NT5DC1: variants seen among roughly 807,000 people sequenced by gnomAD.
NT5DC1 encodes 5'-nucleotidase domain containing 1.
In NT5DC1, 42 loss-of-function variants were observed where a neutral mutation model predicts 59.4. The observed-to-expected ratio is 0.71, with a 90% CI of 0.55 to 0.92. The LOEUF is 0.92. Ranked by LOEUF, NT5DC1 falls within the 40% of genes least tolerant of loss-of-function variation. NT5DC1 has a pLI of 0.00. For missense variants in NT5DC1, 501 were observed against 537.1 expected, an observed-to-expected ratio of 0.93 and a Z score of 0.66; for synonymous variants, 172 against 188.1, an observed-to-expected ratio of 0.91 and a Z score of 0.70.
chr6:116,190,006 T>C (rs1208012885), intron 6 of NT5DC1, among the ~76,000 whole-genome samples: 2 of 152,056 alleles, frequency 1.3e-5, no homozygotes, highest in African/African-American at 4.8e-5. Flanking sequence ...TAATGGAAAG[T>C]ACAGTGGCTC....
rs1554197063 is a variant in NT5DC1, at chr6:116,163,141, A to AATATATATATATATATATAT, written c.529+45199_529+45218dup. 5.9e-4 allele frequency among the ~76,000 whole-genome samples: 52 copies of AATATATATATATATATATAT among 88,366 alleles called. 1 individual carries two copies. The highest frequency in any genetic ancestry group is 2.6e-3 in the African/African-American group (45 of 17,318). 58.0% of individuals were successfully genotyped at this position (88,366 alleles called of 152,430 possible). A position where few individuals can be genotyped will look rare whatever the true frequency, so the allele number is the denominator to read the frequency against. ...GACTCCGTCTCAAAAAAAAAAAAAA[A>AATATATATATATATATATAT]ATATATATATATATATATATATTAG... is the stretch of plus-strand genomic sequence containing the variant. On this transcript the variant is annotated intron_variant, in intron 6 of 11. Coordinates refer to ENST00000319550, the MANE Select transcript of NT5DC1 (RefSeq NM_152729.3).
intron 7 of NT5DC1, among the ~76,000 whole-genome samples, chr6:116,221,795 C>T (rs531244488): frequency 1.6e-4 from 25 of 152,138 alleles, no homozygotes; most frequent in African/African-American, 5.3e-4. Context: ...TCAATTTTGC[C>T]GTCATAAAAA....
At chr6:116,152,119 A>G (rs1780057180) in intron 6 of NT5DC1, among the ~76,000 whole-genome samples, 1 of 152,210 alleles carries the variant, frequency 6.6e-6, no homozygotes, top group Admixed American at 6.5e-5. Context: ...GTATGTCACA[A>G]TCTATTTTCA....
At chr6:116,110,801 G>A in intron 3 of NT5DC1, 49 bp from the exon 4 acceptor site, 2 of 1,220,680 alleles carry the variant, frequency 1.6e-6, no homozygotes, top group Non-Finnish European at 2.4e-6. Flanking sequence ...AGAGGAAGGG[G>A]CATTCAAGGA....
chr6:116,178,137 A>T (rs1780794035), intron 6 of NT5DC1, among the ~76,000 whole-genome samples: 1 of 137,498 alleles, frequency 7.3e-6, no homozygotes, highest in Admixed American at 7.4e-5. Flanking sequence ...GTGTGTGTTT[A>T]CTAGTGGGAC....
chr6:116,110,022 A>T (rs2114902330), intron 3 of NT5DC1, among the ~76,000 whole-genome samples: 1 of 152,340 alleles, frequency 6.6e-6, no homozygotes, highest in Middle Eastern at 3.4e-3. Context: ...TCCAATGATA[A>T]GGTTTAATAG....
intron 8 of NT5DC1, among the ~76,000 whole-genome samples, chr6:116,225,303 A>G (rs1041260228): frequency 6.6e-6 from 1 of 152,188 alleles, no homozygotes; most frequent in Non-Finnish European, 1.5e-5. Flanking sequence ...GGCTCAAGAT[A>G]TGTATTGGGA....
At chr6:116,125,043 A>G (rs1019323954) in intron 6 of NT5DC1, among the ~76,000 whole-genome samples, 5 of 152,214 alleles carry the variant, frequency 3.3e-5, no homozygotes, top group African/African-American at 1.2e-4. Context: ...AGATTTCTGG[A>G]TTACATGCAG....
At chr6:116,160,230 C>A (rs1418145757) in intron 6 of NT5DC1, among the ~76,000 whole-genome samples, 1 of 152,130 alleles carries the variant, frequency 6.6e-6, no homozygotes, top group Non-Finnish European at 1.5e-5. Context: ...ACATTTCCAC[C>A]AACAGTGTAT....
At chr6:116,240,799 G>A (rs1349025516) in intron 11 of NT5DC1, among the ~76,000 whole-genome samples, 1 of 152,188 alleles carries the variant, frequency 6.6e-6, no homozygotes, top group Non-Finnish European at 1.5e-5. Context: ...GAAAGAAAAT[G>A]ATGTGAATCT....
chr6:116,242,650 C>T (rs973514480), intron 11 of NT5DC1, among the ~76,000 whole-genome samples: 3 of 152,154 alleles, frequency 2.0e-5, no homozygotes, highest in African/African-American at 7.2e-5. Flanking sequence ...CCTCTCCTCT[C>T]TCAGGTCAGA....
chr6:116,117,280 G>C (rs1490880728), intron 5 of NT5DC1, among the ~76,000 whole-genome samples: 1 of 152,070 alleles, frequency 6.6e-6, no homozygotes, highest in Non-Finnish European at 1.5e-5. Flanking sequence ...TGGGCTATAT[G>C]AGCTATATTA....
chr6:116,157,772 A>G (rs148027834), intron 6 of NT5DC1, among the ~76,000 whole-genome samples: 1 of 152,248 alleles, frequency 6.6e-6, no homozygotes, highest in African/African-American at 2.4e-5. Flanking sequence ...CTTCAAACAG[A>G]CTCTAACGGG....
chr6:116,235,018 G>A (rs1235658146), intron 8 of NT5DC1, among the ~76,000 whole-genome samples: 2 of 126,844 alleles, frequency 1.6e-5, no homozygotes, highest in African/African-American at 5.9e-5. Context: ...TGAATTTTTT[G>A]TTTTGACTTG....
intron 6 of NT5DC1, among the ~76,000 whole-genome samples, chr6:116,193,947 C>G (rs1781175780): frequency 6.6e-6 from 1 of 151,802 alleles, no homozygotes; most frequent in African/African-American, 2.4e-5. Context: ...ATCTGTGGTC[C>G]CAGCTACTAG....
At chr6:116,237,348 C>A in intron 9 of NT5DC1, 2 of 586,910 alleles carry the variant, frequency 3.4e-6, no homozygotes, top group Admixed American at 2.2e-5. Flanking sequence ...AAACAAACAA[C>A]TGAAATTATG....
intron 6 of NT5DC1, among the ~76,000 whole-genome samples, chr6:116,134,023 G>T (rs1367293624): frequency 6.6e-6 from 1 of 152,054 alleles, no homozygotes; most frequent in Non-Finnish European, 1.5e-5. Context: ...TGCTAATCAG[G>T]CGGAAGTTTA....
intron 6 of NT5DC1, chr6:116,121,182 G>A (rs1358299038): frequency 6.2e-7 from 1 of 1,613,276 alleles, no homozygotes; most frequent in South Asian, 1.1e-5. Flanking sequence ...AGGCCAGCAG[G>A]TCCTCTTTCT....
At chr6:116,149,941 G>C (rs1203248077) in intron 6 of NT5DC1, among the ~76,000 whole-genome samples, 1 of 152,196 alleles carries the variant, frequency 6.6e-6, no homozygotes, top group East Asian at 1.9e-4. Flanking sequence ...GGTAGGTAAG[G>C]TTGAAAGTGT....
Sources: allele counts gnomAD v4.1 joint callset (sites outside exome capture counted in the v4.1 genomes callset), GRCh38; gene constraint gnomAD v4.1.1; transcripts MANE v1.5; gene names NCBI Gene and HGNC (gene_info 2026-07-23, HGNC 2026-07-21).